The following RIMS3 variants were observed in gnomAD, a reference collection of about 807,000 sequenced individuals.
The protein encoded by RIMS3 is regulating synaptic membrane exocytosis 3, also known as regulating synaptic membrane exocytosis protein 3.
RIMS3 carries 15 observed loss-of-function variants against 29.2 expected under a neutral mutation model. That is an observed-to-expected ratio of 0.51 (90% CI 0.34 to 0.79). The LOEUF is 0.79. RIMS3 is among the 30% of genes least tolerant of loss of function. RIMS3 has a pLI of 0.01. For missense variants in RIMS3, 342 were observed against 421.4 expected (o/e 0.81, Z 1.65); for synonymous variants, 161 against 170.1 (o/e 0.95, Z 0.41).
chr1:40,640,387 A>G (rs1484002603), intron 3 of RIMS3, among the ~76,000 whole-genome samples: 1 of 152,060 alleles, frequency 6.6e-6, no homozygotes, highest in Non-Finnish European at 1.5e-5. Flanking sequence ...ACCACATCAC[A>G]GCTTGATTGC....
chr1:40,685,304 ATT>A, the RIMS3 span, among the ~76,000 whole-genome samples: 2 of 18,452 alleles, frequency 1.1e-4, no homozygotes, highest in African/African-American at 6.6e-4. Context: ...TATTATATAT[ATT>A]AATATATATA....
chr1:40,680,349 T>TA, the RIMS3 span, among the ~76,000 whole-genome samples: 5 of 149,936 alleles, frequency 3.3e-5, no homozygotes, highest in Admixed American at 6.7e-5. Context: ...TTTTTTTTTT[T>TA]AAGACAGAGT....
the RIMS3 span, among the ~76,000 whole-genome samples, chr1:40,687,020 A>T: frequency 6.6e-6 from 1 of 151,834 alleles, no homozygotes; most frequent in Admixed American, 6.6e-5. Flanking sequence ...AAAAAAAAAA[A>T]TTAAACATAA....
chr1:40,667,702 C>G (rs938170000), upstream of RIMS3, among the ~76,000 whole-genome samples: 5 of 152,036 alleles, frequency 3.3e-5, no homozygotes, highest in African/African-American at 9.7e-5. Context: ...TTGTCTTACC[C>G]GATACTAAAA....
the RIMS3 span, among the ~76,000 whole-genome samples, chr1:40,671,640 C>T: frequency 3.3e-5 from 5 of 152,180 alleles, no homozygotes; most frequent in African/African-American, 1.2e-4. Flanking sequence ...CCCCCTTTGC[C>T]TTCAGCCATG....
intron 5 of RIMS3, among the ~76,000 whole-genome samples, chr1:40,631,090 G>C (rs1392776704): frequency 2.0e-5 from 3 of 152,222 alleles, no homozygotes; most frequent in African/African-American, 7.2e-5. Flanking sequence ...GTTGAGCACT[G>C]TCCTGATGGG....
At chr1:40,628,386 C>T (rs1646468213) in intron 7 of RIMS3, among the ~76,000 whole-genome samples, 1 of 152,232 alleles carries the variant, frequency 6.6e-6, no homozygotes. Context: ...TCACCCCAAG[C>T]AAGTGACTTC....
At chr1:40,684,056 G>C in the RIMS3 span, among the ~76,000 whole-genome samples, 1 of 152,198 alleles carries the variant, frequency 6.6e-6, no homozygotes, top group Non-Finnish European at 1.5e-5. Flanking sequence ...GCCAAAGCTA[G>C]CTCTAACAAG....
At chr1:40,629,095 A>G (rs1182430222) in intron 6 of RIMS3, 146 bp from the exon 7 acceptor site, 1 of 1,147,762 alleles carries the variant, frequency 8.7e-7, no homozygotes, top group Admixed American at 1.8e-5. Flanking sequence ...GAGGTGACTC[A>G]AGTACTGATT....
intron 5 of RIMS3, among the ~76,000 whole-genome samples, chr1:40,632,642 A>G (rs999339094): frequency 5.9e-5 from 9 of 151,574 alleles, no homozygotes; most frequent in African/African-American, 2.2e-4. Flanking sequence ...TTCCCTGAAT[A>G]TTTTCTATCC....
chr1:40,689,980 A>G, the RIMS3 span, among the ~76,000 whole-genome samples: 1 of 152,158 alleles, frequency 6.6e-6, no homozygotes, highest in Non-Finnish European at 1.5e-5. Context: ...TGCTTCATCT[A>G]TGCTTGAGCA....
intron 5 of RIMS3, among the ~76,000 whole-genome samples, chr1:40,631,263 G>C (rs1338677824): frequency 6.6e-6 from 1 of 152,150 alleles, no homozygotes; most frequent in Non-Finnish European, 1.5e-5. Flanking sequence ...TTCTGTCTGA[G>C]AGCTCATGAA....
chr1:40,635,845 C>A lies in RIMS3; in HGVS notation c.359+71G>T. 1.9e-6 allele frequency: 3 copies of A among 1,582,050 alleles called. No individual in the cohort carries two copies. Among genetic ancestry groups the A allele is most frequent in the Non-Finnish European group, 2.6e-6 (3 of 1,161,342 alleles). On this transcript the variant is annotated intron_variant, in intron 4 of 7. Coordinates refer to ENST00000372684, the MANE Select transcript of RIMS3 (RefSeq NM_014747.3). This position sits in a 1 kb window ranked among gnomAD's most constrained non-coding sequence, Gnocchi z 4.1. Reference sequence around the variant, plus strand: ...GAAACAAAACAGGGAGGCTTTCCCACCCTGCCCAGTGGCTCTGTGACTGGA... The same window carrying A: ...GAAACAAAACAGGGAGGCTTTCCCAACCTGCCCAGTGGCTCTGTGACTGGA...
At chr1:40,661,490 G>A (rs1437131096) in intron 1 of RIMS3, among the ~76,000 whole-genome samples, 3 of 152,076 alleles carry the variant, frequency 2.0e-5, no homozygotes, top group Admixed American at 6.5e-5. Context: ...ATTTTAAGAC[G>A]GTGTCAGCAG....
At position 40,622,410 on chromosome 1, in the gene RIMS3, G is replaced by C. The variant is rs1467257259; in HGVS notation, c.*4107C>G. 1 of 152,286 alleles carries C rather than the reference G, an allele frequency of 6.6e-6. No individual in the cohort carries two copies. The highest frequency in any genetic ancestry group is 1.5e-5 in the Non-Finnish European group (1 of 68,064). 9.4% of individuals were successfully genotyped at this position (152,286 alleles called of 1,614,324 possible). A position where few individuals can be genotyped will look rare whatever the true frequency, so the allele number is the denominator to read the frequency against. On this transcript the variant is annotated 3_prime_UTR_variant, in exon 8 of 8. Transcript: ENST00000372684. ...AGTGAAAAGGTTGAGGGAGAAGGCGGGGGGATGTGTCCACATTTTCATCTC... is the reference window on the plus strand; with the variant it reads ...AGTGAAAAGGTTGAGGGAGAAGGCGCGGGGATGTGTCCACATTTTCATCTC...
chr1:40,656,613 G>A (rs1435281868), intron 1 of RIMS3, among the ~76,000 whole-genome samples: 2 of 151,924 alleles, frequency 1.3e-5, no homozygotes, highest in Non-Finnish European at 2.9e-5. Context: ...GAGAAACTCC[G>A]TCTCCACTAA....
At position 40,626,672 on chromosome 1, in the gene RIMS3, G is replaced by T; in HGVS notation, c.772C>A (p.Gln258Lys). 1 of 1,614,208 alleles carries T rather than the reference G, an allele frequency of 6.2e-7. No homozygotes were observed. The highest frequency in any genetic ancestry group is 2.2e-5 in the East Asian group (1 of 44,876). Residue 258 changes from glutamine (Q) to lysine (K), a missense_variant, in exon 8 of 8, where the codon CAG (glutamine) becomes AAG (lysine). Coordinates refer to ENST00000372684, the MANE Select transcript of RIMS3 (RefSeq NM_014747.3). ...AGGTCCAGCTCGTCCAGCATGATCT[G>T]GGCCATGCCCATGAAGCACTTGTGG... ...MDHKCFMGMA[Q>K]IMLDELDLSA...
the RIMS3 span, chr1:40,690,470 T>G: frequency 6.6e-6 from 1 of 152,176 alleles, no homozygotes; most frequent in Non-Finnish European, 1.5e-5. Flanking sequence ...TTTTGCAATT[T>G]ACGAAGCACT....
rs1423885097 is a variant in RIMS3, at chr1:40,655,186, G to A, written c.-206-7344C>T. On this transcript the variant is annotated intron_variant, in intron 1 of 7. Coordinates refer to ENST00000372684, the MANE Select transcript of RIMS3 (RefSeq NM_014747.3). ...GGGGAAGAGGGACCTATGAGACTCCGAAGCCTTCTGCTTCACTGTCCCTGA... is the reference window on the plus strand; with the variant it reads ...GGGGAAGAGGGACCTATGAGACTCCAAAGCCTTCTGCTTCACTGTCCCTGA... 3.9e-5 allele frequency among the ~76,000 whole-genome samples: 6 copies of A among 152,156 alleles called. No homozygotes were observed. The East Asian group carries it at 7.7e-4, about 20-fold the overall frequency.
Sources: gnomAD v4.1 joint callset for allele counts (sites outside exome capture counted in the v4.1 genomes callset) on GRCh38, gnomAD v4.1.1 for gene constraint, Gnocchi (gnomAD v3.1) non-coding constraint, MANE v1.5 for transcripts, NCBI Gene and HGNC (gene_info 2026-07-23, HGNC 2026-07-21) for gene names.